Variants in LUC7L2 observed in about 807,000 individuals in gnomAD.
LUC7L2 encodes LUC7 like 2, pre-mRNA splicing factor.
LUC7L2 carries 25 observed loss-of-function variants against 52.8 expected under a neutral mutation model. That is an observed-to-expected ratio of 0.47 (90% CI 0.34 to 0.66). The LOEUF (loss-of-function observed/expected upper bound fraction) is 0.66, where lower values mean the gene tolerates loss of function less well. Ranked by LOEUF, LUC7L2 falls within the 30% of genes least tolerant of loss-of-function variation. LUC7L2 has a pLI of 0.01. For synonymous variants in LUC7L2, 144 were observed against 160.9 expected, an observed-to-expected ratio of 0.89 and a Z score of 0.80; for missense variants, 328 against 497.8, an observed-to-expected ratio of 0.66 and a Z score of 3.25.
intron 7 of LUC7L2, among the ~76,000 whole-genome samples, chr7:139,411,375 CT>C (rs1216217520): frequency 3.3e-5 from 5 of 152,120 alleles, no homozygotes; most frequent in African/African-American, 1.2e-4. Context: ...TAATCATTTA[CT>C]GGGTGCTTAT....
intron 7 of LUC7L2, among the ~76,000 whole-genome samples, chr7:139,411,429 TA>T (rs1344763471): frequency 6.6e-6 from 1 of 152,214 alleles, no homozygotes; most frequent in African/African-American, 2.4e-5. Context: ...CATATTCATC[TA>T]ATCTTTATAA....
Position 139,360,242 on chromosome 7 carries a change from C to CCGCCCGCT in LUC7L2, c.-19_-12dup. 4.5e-6 allele frequency: 7 copies of CCGCCCGCT among 1,546,536 alleles called. No individual in the cohort carries two copies. Among genetic ancestry groups the CCGCCCGCT allele is most frequent in the Non-Finnish European group, 6.1e-6 (7 of 1,146,170 alleles). Reference sequence around the variant, plus strand: ...CGGTCTGCGCCCCACCCCCGCCCGTCCGCCCGCTACGCCGCCGCCATGTCG... The same window carrying CCGCCCGCT: ...CGGTCTGCGCCCCACCCCCGCCCGTCCGCCCGCTCGCCCGCTACGCCGCCGCCATGTCG... On this transcript the variant is annotated 5_prime_UTR_variant, in exon 1 of 10. Coordinates refer to ENST00000354926, the MANE Select transcript of LUC7L2 (RefSeq NM_016019.5).
intron 1 of LUC7L2, chr7:139,345,010 G>C (rs1799206183): frequency 6.6e-6 from 1 of 152,300 alleles, no homozygotes; most frequent in African/African-American, 2.4e-5. Context: ...ACCGCGCCCG[G>C]CCAAGTTTTC....
intron 1 of LUC7L2, among the ~76,000 whole-genome samples, chr7:139,368,939 C>G (rs1050823230): frequency 6.6e-6 from 1 of 152,034 alleles, no homozygotes; most frequent in African/African-American, 2.4e-5. Flanking sequence ...ATTTTAACTT[C>G]TTCCTTTATC....
At chr7:139,405,847 G>A in intron 5 of LUC7L2, 60 bp downstream of exon 5, 1 of 1,512,894 alleles carries the variant, frequency 6.6e-7, no homozygotes, top group Non-Finnish European at 8.8e-7. Context: ...CAAATAAAAA[G>A]TAGTAGATGA....
In LUC7L2 at chr7:139,423,058, G is replaced by A. The variant is rs1321937424; in HGVS notation, c.*718G>A. On this transcript the variant is annotated 3_prime_UTR_variant, in exon 10 of 10. Coordinates refer to ENST00000354926, the MANE Select transcript of LUC7L2 (RefSeq NM_016019.5). ...GGGGGTGGGGGCAGGGACTCTTTTC[G>A]TAATAAGCACTTGTTTTATTTTGTG... 8 of 398,756 alleles carry A rather than the reference G, an allele frequency of 2.0e-5. No homozygotes were observed. The highest frequency in any genetic ancestry group is 3.6e-5 in the East Asian group (1 of 28,076). 24.7% of individuals were successfully genotyped at this position (398,756 alleles called of 1,614,324 possible).
intron 1 of LUC7L2, among the ~76,000 whole-genome samples, chr7:139,350,835 C>T (rs1799434216): frequency 6.6e-6 from 1 of 152,066 alleles, no homozygotes; most frequent in East Asian, 1.9e-4. Context: ...CGCCACAACG[C>T]CTGGCTAATT....
chr7:139,369,790 G>A (rs902375913), intron 1 of LUC7L2, among the ~76,000 whole-genome samples: 1 of 152,152 alleles, frequency 6.6e-6, no homozygotes, highest in African/African-American at 2.4e-5. Context: ...AAAAATGTTT[G>A]GCTTGTCATG....
chr7:139,402,626 A>G lies in LUC7L2; in HGVS notation c.366+379A>G, dbSNP rs74358843. ...GCTGCAATCTCTGCCTTCTGGGCTC[A>G]AGTCTCGTGCCTCAGCCTTCTGAGT... On this transcript the variant is annotated intron_variant, in intron 4 of 9. Transcript: ENST00000354926. 7.5e-3 allele frequency among the ~76,000 whole-genome samples: 1,145 copies of G among 152,280 alleles called. 7 individuals carry two copies. Among genetic ancestry groups the G allele is most frequent in the South Asian group, 0.014 (67 of 4,830 alleles).
chr7:139,368,288 A>G (rs1227374465), intron 1 of LUC7L2, among the ~76,000 whole-genome samples: 1 of 152,236 alleles, frequency 6.6e-6, no homozygotes, highest in Non-Finnish European at 1.5e-5. Flanking sequence ...ATGGGAATGA[A>G]GAATTACACT....
chr7:139,422,562 C>A lies in LUC7L2; in HGVS notation c.*222C>A. ...AACCTGTAATACAGTTCTGAAAGTA[C>A]AGTTTTATATAATAAGATGCTGATC... On this transcript the variant is annotated 3_prime_UTR_variant, in exon 10 of 10. Transcript: ENST00000354926. The A allele has an allele frequency of 1.1e-6, 1 of 913,874 alleles. No individual in the cohort carries two copies. Among genetic ancestry groups the A allele is most frequent in the Non-Finnish European group, 1.5e-6 (1 of 688,744 alleles). 56.6% of individuals were successfully genotyped at this position (913,874 alleles called of 1,614,324 possible).
At chr7:139,360,382 G>A in intron 1 of LUC7L2, 60 bp downstream of exon 1, 1 of 1,501,320 alleles carries the variant, frequency 6.7e-7, no homozygotes, top group East Asian at 2.6e-5. Context: ...AAGGGAAGGG[G>A]TTCCGAGGGC....
rs970221791 is a variant in LUC7L2, at chr7:139,423,259, A to G, written c.*919A>G. ...GTCATTAACAGTGCCTTACTGTGCA[A>G]GGCACCAAAGGACATAAATACGTAC... On this transcript the variant is annotated 3_prime_UTR_variant, in exon 10 of 10. Coordinates refer to ENST00000354926, the MANE Select transcript of LUC7L2 (RefSeq NM_016019.5). 8.0e-5 allele frequency: 32 copies of G among 398,932 alleles called. No individual in the cohort carries two copies. The East Asian group carries it at 1.1e-3, about 13-fold the overall frequency. The allele number at this position is 398,932 out of a possible 1,614,324, so 24.7% of individuals were successfully genotyped here. A position where few individuals can be genotyped will look rare whatever the true frequency, so the allele number is the denominator to read the frequency against.
chr7:139,371,550 G>T, intron 1 of LUC7L2: 1 of 1,353,332 alleles, frequency 7.4e-7, no homozygotes, highest in Non-Finnish European at 1.0e-6. Flanking sequence ...GGGAGAGGGT[G>T]GGTAGTACTG....
chr7:139,359,387 G>T (rs556221525), upstream of LUC7L2: 1 of 160,498 alleles, frequency 6.2e-6, no homozygotes, highest in South Asian at 2.0e-4. Context: ...AAAGCCCCAC[G>T]CAGCGGAAGG....
At chr7:139,371,548 G>A in intron 1 of LUC7L2, 3 of 1,348,464 alleles carry the variant, frequency 2.2e-6, no homozygotes, top group East Asian at 2.9e-5. Context: ...GAGGGAGAGG[G>A]TGGGTAGTAC....
chr7:139,407,341 A>G lies in LUC7L2; in HGVS notation c.678A>G (p.Glu226=), dbSNP rs760818733. The change falls in exon 6 of 10, where the codon GAA becomes GAG. Residue 226 remains glutamate, a synonymous_variant. Transcript: ENST00000354926. ...TTATTGAAATAAGAGAGAAGCTTGA[A>G]GAATTAAAGGTACATTGGTAAAATA... ...LGFIEIREKL[E]ELKRVVAEKQ... The G allele has an allele frequency of 6.2e-7, 1 of 1,609,726 alleles. No individual in the cohort carries two copies. Among genetic ancestry groups the G allele is most frequent in the Non-Finnish European group, 8.5e-7 (1 of 1,177,956 alleles).
intron 1 of LUC7L2, among the ~76,000 whole-genome samples, chr7:139,342,619 C>T (rs918192252): frequency 6.6e-6 from 1 of 152,132 alleles, no homozygotes; most frequent in African/African-American, 2.4e-5. Flanking sequence ...TGCGACACCA[C>T]GCCCGGCTAA....
At chr7:139,418,666 G>T (rs1795738266) in intron 9 of LUC7L2, among the ~76,000 whole-genome samples, 1 of 151,650 alleles carries the variant, frequency 6.6e-6, no homozygotes, top group South Asian at 2.1e-4. Flanking sequence ...TTGTTAATAG[G>T]CTCTCAATAT....
Sources: allele counts gnomAD v4.1 joint callset (sites outside exome capture counted in the v4.1 genomes callset), GRCh38; gene constraint gnomAD v4.1.1; transcripts MANE v1.5; gene names NCBI Gene and HGNC (gene_info 2026-07-23, HGNC 2026-07-21).